RIPOR1: variants seen among roughly 807,000 people sequenced by gnomAD.
The protein encoded by RIPOR1 is RHO family interacting cell polarization regulator 1.
In RIPOR1, 58 loss-of-function variants were observed where a neutral mutation model predicts 116.5. The ratio of observed to expected loss-of-function variants is 0.50; its 90% CI spans 0.40 to 0.62. RIPOR1 has a LOEUF of 0.62. RIPOR1 is among the 20% of genes least tolerant of loss of function. The probability of loss-of-function intolerance (pLI) is 0.00; values close to 1 mark genes in which losing one functional copy is unlikely to be tolerated. For missense variants in RIPOR1, 1,372 were observed against 1,586.2 expected, an observed-to-expected ratio of 0.86 and a Z score of 2.29; for synonymous variants, 605 against 650.0, an observed-to-expected ratio of 0.93 and a Z score of 1.05.
rs35010375 is a variant in RIPOR1, at chr16:67,530,540, G to A, written c.-24+1626G>A. Among the ~76,000 whole-genome samples, 2,003 of 152,292 alleles carry A rather than the reference G, an allele frequency of 0.013. 45 individuals are homozygous for A. The highest frequency in any genetic ancestry group is 0.046 in the African/African-American group (1,898 of 41,562). The stretch of plus-strand genomic sequence containing the variant: ...TTTAGCCTCTGTTTACCTCGGTCGG[G>A]GCGGCCCCGGGGTGGGGCGGGGCTA... On this transcript the variant is annotated intron_variant, in intron 1 of 21. Coordinates refer to ENST00000042381, the MANE Select transcript of RIPOR1 (RefSeq NM_024519.4). This position sits in a 1 kb window ranked among gnomAD's most constrained non-coding sequence, Gnocchi z 4.5.
intron 1 of RIPOR1, among the ~76,000 whole-genome samples, chr16:67,534,925 C>T (rs535078281): frequency 1.3e-5 from 2 of 149,888 alleles, no homozygotes; most frequent in Non-Finnish European, 3.0e-5. Context: ...TCTCTGCAGC[C>T]TCTGCGTCCC....
chr16:67,534,640 A>C (rs2050746033), intron 1 of RIPOR1, among the ~76,000 whole-genome samples: 1 of 152,048 alleles, frequency 6.6e-6, no homozygotes, highest in African/African-American at 2.4e-5. Flanking sequence ...TCCCAGGCTG[A>C]CTTCTATCAC....
chr16:67,538,775 C>T lies in RIPOR1; in HGVS notation c.208C>T (p.Gln70Ter), dbSNP rs748477296. Residue 70 changes from glutamine (Q) to a stop codon, truncating the protein, a stop_gained, in exon 3 of 22, where the codon CAG becomes TAG. Transcript: ENST00000042381. LOFTEE classifies it high-confidence loss of function. ...GGCTCACCCAGCCGCCAAGGTGCCGCAGCCCGAGCGGCTGGACCTGGTGTA... is the reference window on the plus strand; with the variant it reads ...GGCTCACCCAGCCGCCAAGGTGCCGTAGCCCGAGCGGCTGGACCTGGTGTA... ...SVAHPAAKVP[Q>*]PERLDLVYTA... 6.2e-7 allele frequency: 1 copy of T among 1,613,564 alleles called. No homozygotes were observed. The highest frequency in any genetic ancestry group is 1.7e-5 in the Admixed American group (1 of 60,030).
At position 67,538,916 on chromosome 16, in the gene RIPOR1, T is replaced by C. The variant is rs572541875; in HGVS notation, c.258-74T>C. 1.9e-6 allele frequency: 3 copies of C among 1,609,002 alleles called. No homozygotes were observed. The South Asian group carries it at 3.3e-5, about 18-fold the overall frequency. On this transcript the variant is annotated intron_variant, in intron 3 of 21. Transcript: ENST00000042381. Reference sequence around the variant, plus strand: ...GAACCTTCTCCAGCCCCATGCCCTCTCCCTGCTGTCTGCACCCTGGGCAGC... The same window carrying C: ...GAACCTTCTCCAGCCCCATGCCCTCCCCCTGCTGTCTGCACCCTGGGCAGC...
Position 67,544,282 on chromosome 16 carries a change from C to T in RIPOR1, c.2601-17C>T, listed in dbSNP as rs778728685. The T allele has an allele frequency of 6.3e-7, 1 of 1,587,894 alleles. No individual in the cohort carries two copies. The highest frequency in any genetic ancestry group is 1.1e-5 in the South Asian group (1 of 90,276). On this transcript the variant is annotated splice_polypyrimidine_tract_variant and intron_variant, in intron 14 of 21. Transcript: ENST00000042381. This position sits in a 1 kb window ranked among gnomAD's most constrained non-coding sequence, Gnocchi z 5.1. The stretch of plus-strand genomic sequence containing the variant: ...TGATGTGTGCCTGTGGGGTGGTGGA[C>T]CCCATTTTTCCCTCAGGCCTCCAAG...
In RIPOR1 at chr16:67,540,784, C is replaced by T; in HGVS notation, c.801+80C>T. ...CCCCCATTACCCTGAGTCCCTTACT[C>T]CTGTGATCCCCTCATAGCTCCATAG... is the stretch of plus-strand genomic sequence containing the variant. On this transcript the variant is annotated intron_variant, in intron 10 of 21. Coordinates refer to ENST00000042381, the MANE Select transcript of RIPOR1 (RefSeq NM_024519.4). This position sits in a 1 kb window ranked among gnomAD's most constrained non-coding sequence, Gnocchi z 4.7. 1 of 1,349,596 alleles carries T rather than the reference C, an allele frequency of 7.4e-7. No homozygotes were observed. Among genetic ancestry groups the T allele is most frequent in the Non-Finnish European group, 1.0e-6 (1 of 979,736 alleles). The allele number at this position is 1,349,596 out of a possible 1,614,324, so 83.6% of individuals were successfully genotyped here.
At position 67,542,803 on chromosome 16, in the gene RIPOR1, CT is replaced by C; in HGVS notation, c.2019del (p.Ile674Ter). 1 of 1,614,090 alleles carries C rather than the reference CT, an allele frequency of 6.2e-7. No individual in the cohort carries two copies. Among genetic ancestry groups the C allele is most frequent in the Non-Finnish European group, 8.5e-7 (1 of 1,179,990 alleles). On this transcript the variant is annotated frameshift_variant, in exon 13 of 22. Transcript: ENST00000042381. LOFTEE classifies it high-confidence loss of function. This position sits in a 1 kb window ranked among gnomAD's most constrained non-coding sequence, Gnocchi z 4.6. The part of the protein sequence containing the change: ...SPTHPTTSPI[L>X]INVSPSTSLE... ...CACCCATCCCACCACAAGCCCCATCCTTATAAATGTAAGCCCTTCCACTTCT... is the reference window on the plus strand; with the variant it reads ...CACCCATCCCACCACAAGCCCCATCCTATAAATGTAAGCCCTTCCACTTCT...
At chr16:67,519,279 C>CAAAAAA (rs56349474) in intron 1 of RIPOR1, among the ~76,000 whole-genome samples, 2 of 89,896 alleles carry the variant, frequency 2.2e-5, no homozygotes, top group African/African-American at 3.2e-5. Context: ...GACTCTGTTT[C>CAAAAAA]AAAAAAAAAA....
In RIPOR1 at chr16:67,546,153, A is replaced by C. The variant is rs759087138; in HGVS notation, c.3484A>C (p.Ile1162Leu). 3.2e-6 allele frequency: 5 copies of C among 1,585,774 alleles called. No individual in the cohort carries two copies. The highest frequency in any genetic ancestry group is 4.3e-6 in the Non-Finnish European group (5 of 1,163,536). ...CCTCCCCTGACAGGCTCCCGAGGGC[A>C]TTGAGCCCCTGGTGTACCTCTGCCA... is the stretch of plus-strand genomic sequence containing the variant. ...ALGCIKAPEG[I>L]EPLVYLCQTD... Residue 1162 changes from isoleucine to leucine, a missense_variant, in exon 21 of 22, where the codon ATT becomes CTT. By Grantham distance (5) the Ile-to-Leu change is conservative. Transcript: ENST00000042381.
intron 1 of RIPOR1, among the ~76,000 whole-genome samples, chr16:67,521,683 C>T (rs758556613): frequency 6.6e-6 from 1 of 152,268 alleles, no homozygotes; most frequent in African/African-American, 2.4e-5. Flanking sequence ...CCCTGGAGGC[C>T]GAGGCTGGAC....
intron 1 of RIPOR1, among the ~76,000 whole-genome samples, chr16:67,521,721 C>CCAG (rs1044608187): frequency 6.6e-6 from 1 of 152,192 alleles, no homozygotes; most frequent in African/African-American, 2.4e-5. Flanking sequence ...GCGACACTGG[C>CCAG]CAGCCTCAGG....
chr16:67,533,901 G>A (rs913359766), intron 1 of RIPOR1, among the ~76,000 whole-genome samples: 4 of 150,654 alleles, frequency 2.7e-5, no homozygotes, highest in Admixed American at 6.6e-5. Flanking sequence ...TCCACCTCCC[G>A]GGTTCAAGCG....
In RIPOR1 at chr16:67,544,200, T is replaced by A. The variant is rs567183469; in HGVS notation, c.2601-99T>A. On this transcript the variant is annotated intron_variant, in intron 14 of 21. Transcript: ENST00000042381. This position sits in a 1 kb window ranked among gnomAD's most constrained non-coding sequence, Gnocchi z 5.1. ...CACTGTCTGCTGTCGGTGCATCATC[T>A]TCTTCCTTTCTGGCATGGGGGAAGC... 29 of 1,462,556 alleles carry A rather than the reference T, an allele frequency of 2.0e-5. No individual in the cohort carries two copies. The highest frequency in any genetic ancestry group is 1.7e-4 in the African/African-American group (12 of 71,046). The allele number at this position is 1,462,556 out of a possible 1,614,324, so 90.6% of individuals were successfully genotyped here. A position where few individuals can be genotyped will look rare whatever the true frequency, so the allele number is the denominator to read the frequency against.
chr16:67,543,576 A>C lies in RIPOR1; in HGVS notation c.2600+107A>C. 1 of 1,486,982 alleles carries C rather than the reference A, an allele frequency of 6.7e-7. No homozygotes were observed. Among genetic ancestry groups the C allele is most frequent in the Non-Finnish European group, 9.0e-7 (1 of 1,108,712 alleles). The allele number at this position is 1,486,982 out of a possible 1,614,324, so 92.1% of individuals were successfully genotyped here. A position where few individuals can be genotyped will look rare whatever the true frequency, so the allele number is the denominator to read the frequency against. ...AATTGGGAGAAAGTCAAAGGACAGG[A>C]CAGGTGAGGCAGGGCCAGGTGGAGC... On this transcript the variant is annotated intron_variant, in intron 14 of 21. Coordinates refer to ENST00000042381, the MANE Select transcript of RIPOR1 (RefSeq NM_024519.4). The surrounding 1 kb of genome is among the most constrained non-coding windows in gnomAD (Gnocchi z 4.7).
upstream of RIPOR1, among the ~76,000 whole-genome samples, chr16:67,527,603 G>A (rs569887004): frequency 3.6e-4 from 54 of 151,924 alleles, no homozygotes; most frequent in African/African-American, 1.2e-3. Context: ...CAGGCTGGGC[G>A]CGGTGGCTCA....
chr16:67,521,180 C>G (rs897932638), intron 1 of RIPOR1, among the ~76,000 whole-genome samples: 1 of 152,204 alleles, frequency 6.6e-6, no homozygotes, highest in Admixed American at 6.5e-5. Flanking sequence ...CCAGGACTGG[C>G]CGCCAGGGGC....
chr16:67,537,744 C>G lies in RIPOR1; in HGVS notation c.-23-680C>G, dbSNP rs1221254302. On this transcript the variant is annotated intron_variant, in intron 1 of 21. Coordinates refer to ENST00000042381, the MANE Select transcript of RIPOR1 (RefSeq NM_024519.4). This position sits in a 1 kb window ranked among gnomAD's most constrained non-coding sequence, Gnocchi z 4.6. ...CCGCCGATGCCGGGGTGGAGGCGCA[C>G]GTCCGTGACTCAGTTTCCAGGTGGG... 2.7e-5 allele frequency: 13 copies of G among 473,260 alleles called. No homozygotes were observed. Among genetic ancestry groups the G allele is most frequent in the South Asian group, 2.2e-4 (3 of 13,918 alleles). 29.3% of individuals were successfully genotyped at this position (473,260 alleles called of 1,614,324 possible). A position where few individuals can be genotyped will look rare whatever the true frequency, so the allele number is the denominator to read the frequency against.
At chr16:67,532,058 A>AT (rs56900618) in intron 1 of RIPOR1, among the ~76,000 whole-genome samples, 4,035 of 144,090 alleles carry the variant, frequency 0.028, 73 homozygotes, top group East Asian at 0.096. Flanking sequence ...CGCCCAGCTA[A>AT]TTTTTTTTTT....
Position 67,546,675 on chromosome 16 carries a change from A to T in RIPOR1, c.*212A>T. The T allele has an allele frequency of 1.7e-6, 1 of 581,412 alleles. No homozygotes were observed. Among genetic ancestry groups the T allele is most frequent in the Non-Finnish European group, 3.1e-6 (1 of 325,656 alleles). The allele number at this position is 581,412 out of a possible 1,614,324, so 36.0% of individuals were successfully genotyped here. ...GCCTCGGCTCAGCACATCCCTTGCC[A>T]CAAATCAGTGTCTGGGGCTTGGCCA... On this transcript the variant is annotated 3_prime_UTR_variant, in exon 22 of 22. Coordinates refer to ENST00000042381, the MANE Select transcript of RIPOR1 (RefSeq NM_024519.4).
Sources: gnomAD v4.1 joint callset for allele counts (sites outside exome capture counted in the v4.1 genomes callset) on GRCh38, gnomAD v4.1.1 for gene constraint, Gnocchi (gnomAD v3.1) non-coding constraint, MANE v1.5 for transcripts, NCBI Gene and HGNC (gene_info 2026-07-23, HGNC 2026-07-21) for gene names.